The following RUBCN variants were observed in gnomAD, a reference collection of about 807,000 sequenced individuals.
RUBCN encodes rubicon autophagy regulator.
A neutral mutation model predicts 113.2 loss-of-function variants in RUBCN; 74 were observed. The ratio of observed to expected loss-of-function variants is 0.65; its 90% CI spans 0.54 to 0.79. RUBCN has a LOEUF of 0.79. RUBCN is among the 30% of genes least tolerant of loss of function. The pLI is 0.00. For missense variants in RUBCN, 1,109 were observed against 1,251.7 expected (o/e 0.89, Z 1.72); for synonymous variants, 480 against 490.0 (o/e 0.98, Z 0.27).
Position 197,700,881 on chromosome 3 carries a change from G to T in RUBCN, c.993C>A (p.Asp331Glu). The change falls in exon 7 of 20, where the codon GAC (aspartate) becomes GAA (glutamate). Residue 331 changes from aspartate (D) to glutamate (E), a missense_variant. By Grantham distance (45) the Asp-to-Glu change is conservative (BLOSUM62 2). Coordinates refer to ENST00000296343, the MANE Select transcript of RUBCN (RefSeq NM_014687.4). ...GPEYLAIGNL[D>E]PRGRTASCQS... ...GACAGCTGGCAGTCCGGCCTCGGGGGTCCAAGTTGCCAATGGCCAGGTACT... is the reference window on the plus strand; with the variant it reads ...GACAGCTGGCAGTCCGGCCTCGGGGTTCCAAGTTGCCAATGGCCAGGTACT... The T allele has an allele frequency of 6.2e-7, 1 of 1,614,200 alleles. No individual in the cohort carries two copies. The highest frequency in any genetic ancestry group is 8.5e-7 in the Non-Finnish European group (1 of 1,180,044).
At chr3:197,745,484 G>T (rs1357516414) in intron 1 of RUBCN, among the ~76,000 whole-genome samples, 1 of 148,970 alleles carries the variant, frequency 6.7e-6, no homozygotes. Flanking sequence ...GCATGGTGGC[G>T]CATGCCTGAA....
chr3:197,711,239 C>A lies in RUBCN; in HGVS notation c.220-6064G>T, dbSNP rs2108938196. On this transcript the variant is annotated intron_variant, in intron 2 of 19. Transcript: ENST00000296343. ...TAGGAATTTATCCTACGGTAAAGGGCAAAATTATTTATACACAAGCACTGT... is the reference window on the plus strand; with the variant it reads ...TAGGAATTTATCCTACGGTAAAGGGAAAAATTATTTATACACAAGCACTGT... Among the ~76,000 whole-genome samples the A allele has an allele frequency of 2.6e-5, 4 of 152,244 alleles. No homozygotes were observed. The Middle Eastern group carries it at 0.014, about 518-fold the overall frequency.
In RUBCN at chr3:197,700,730, T is replaced by G. The variant is rs752229345; in HGVS notation, c.1144A>C (p.Ser382Arg). 1 of 1,614,202 alleles carries G rather than the reference T, an allele frequency of 6.2e-7. No individual in the cohort carries two copies. The highest frequency in any genetic ancestry group is 1.7e-5 in the Admixed American group (1 of 60,022). ...GAGAAGCTGGACCTGCGGAGGACAC[T>G]GGACAGCTGGCTCTCCCCACCTCCT... is the stretch of plus-strand genomic sequence containing the variant. Reference protein sequence around the residue: ...QEGGGESQLSSVLRRSSFSEG... With the variant: ...QEGGGESQLSRVLRRSSFSEG... Residue 382 changes from serine to arginine, a missense_variant, in exon 7 of 20, where the codon AGT (serine) becomes CGT (arginine). Ser to Arg is a moderately radical substitution (Grantham distance 110, BLOSUM62 -1). Around this residue, in one of 3 missense-constraint regions of RUBCN, gnomAD observed 736 missense variants for 779.6 expected, o/e 0.94. Transcript: ENST00000296343.
chr3:197,726,309 T>C (rs1485738682), intron 1 of RUBCN, among the ~76,000 whole-genome samples: 3 of 150,542 alleles, frequency 2.0e-5, no homozygotes, highest in Non-Finnish European at 3.0e-5. Context: ...TGCAGTGGCG[T>C]GATCTCGGTT....
upstream of RUBCN, among the ~76,000 whole-genome samples, chr3:197,740,238 G>GTT (rs5855652): frequency 1.9e-4 from 28 of 149,948 alleles, no homozygotes; most frequent in East Asian, 3.9e-4. Context: ...CCCTTCTTTT[G>GTT]TTTTTTTTTC....
At chr3:197,694,710 G>T in intron 9 of RUBCN, 125 bp from the exon 10 acceptor site, 1 of 826,470 alleles carries the variant, frequency 1.2e-6, no homozygotes, top group Non-Finnish European at 2.0e-6. Context: ...TGGAGAAATG[G>T]ACATTTCTAC....
At chr3:197,682,148 A>G (rs967508349) in intron 14 of RUBCN, among the ~76,000 whole-genome samples, 1 of 152,172 alleles carries the variant, frequency 6.6e-6, no homozygotes, top group African/African-American at 2.4e-5. Context: ...GAGATGTGGT[A>G]AAGGAGAGAG....
Position 197,679,315 on chromosome 3 carries a change from TCTGA to T in RUBCN, c.2431-1778_2431-1775del, listed in dbSNP as rs546008851. Reference sequence around the variant, plus strand: ...CAACTGGCTTCAGACTGTCCTACGCTCTGACTGACAACTGGCTTCAGCCTGTCCT... The same window carrying T: ...CAACTGGCTTCAGACTGTCCTACGCTCTGACAACTGGCTTCAGCCTGTCCT... On this transcript the variant is annotated intron_variant, in intron 16 of 19. Coordinates refer to ENST00000296343, the MANE Select transcript of RUBCN (RefSeq NM_014687.4). Among the ~76,000 whole-genome samples the T allele has an allele frequency of 5.7e-3, 844 of 148,008 alleles. 8 individuals carry two copies. Among genetic ancestry groups the T allele is most frequent in the African/African-American group, 0.02 (795 of 39,536 alleles).
intron 1 of RUBCN, among the ~76,000 whole-genome samples, chr3:197,731,585 C>T (rs1230375893): frequency 1.3e-5 from 2 of 151,310 alleles, no homozygotes; most frequent in Admixed American, 6.6e-5. Flanking sequence ...GCAGAGGCGC[C>T]CCTCACCTCC....
rs545276159 is a variant in RUBCN at position 197,717,229 on chromosome 3, TTGAGACCAC to T, written c.219+739_219+747del. 3.7e-3 allele frequency among the ~76,000 whole-genome samples: 564 copies of T among 151,286 alleles called. 1 individual carries two copies. The highest frequency in any genetic ancestry group is 0.012 in the African/African-American group (502 of 41,158). ...GTGGGCAGATCACAAGGTCAGGAGA[TTGAGACCAC>T]TGAGACCATCCTGGCTAACACGGTG... On this transcript the variant is annotated intron_variant, in intron 2 of 19. Coordinates refer to ENST00000296343, the MANE Select transcript of RUBCN (RefSeq NM_014687.4).
At chr3:197,679,415 C>T (rs139285809) in intron 16 of RUBCN, among the ~76,000 whole-genome samples, 3,312 of 145,192 alleles carry the variant, frequency 0.023, 57 homozygotes, top group Non-Finnish European at 0.032. Context: ...GACTGTCCTA[C>T]GCTCTAACTG....
At chr3:197,685,751 G>A (rs753898992) in intron 11 of RUBCN, among the ~76,000 whole-genome samples, 5 of 152,104 alleles carry the variant, frequency 3.3e-5, no homozygotes, top group South Asian at 2.1e-4. Flanking sequence ...GTTTTCTGGC[G>A]GAATCTGTGC....
intron 3 of RUBCN, among the ~76,000 whole-genome samples, 174 bp from the exon 4 acceptor site, chr3:197,704,875 C>T (rs1260406955): frequency 6.6e-6 from 1 of 151,738 alleles, no homozygotes; most frequent in Non-Finnish European, 1.5e-5. Context: ...TTTTCCCTTC[C>T]CCAGAGGAGA....
chr3:197,698,608 C>A (rs1723271051), intron 7 of RUBCN, among the ~76,000 whole-genome samples: 1 of 151,816 alleles, frequency 6.6e-6, no homozygotes, highest in South Asian at 2.1e-4. Flanking sequence ...ACCAAACATG[C>A]AAGTATATCT....
intron 3 of RUBCN, 25 bp downstream of exon 3, chr3:197,705,067 A>G: frequency 6.3e-7 from 1 of 1,589,450 alleles, no homozygotes; most frequent in Non-Finnish European, 8.6e-7. Context: ...CTCTGCCAGC[A>G]CAGCCGCTCT....
At chr3:197,717,271 G>A (rs952943653) in intron 2 of RUBCN, among the ~76,000 whole-genome samples, 3 of 151,764 alleles carry the variant, frequency 2.0e-5, no homozygotes, top group South Asian at 2.1e-4. Flanking sequence ...GTGAAACCCC[G>A]TCTCTACTAA....
chr3:197,745,334 A>G (rs541731341), intron 1 of RUBCN, among the ~76,000 whole-genome samples: 33 of 151,092 alleles, frequency 2.2e-4, no homozygotes, highest in Admixed American at 7.2e-4. Context: ...AGGCAAATCA[A>G]GCCAGGTGCA....
intron 8 of RUBCN, 152 bp from the exon 9 acceptor site, chr3:197,696,133 G>C: frequency 1.3e-6 from 1 of 757,304 alleles, no homozygotes; most frequent in Non-Finnish European, 2.2e-6. Context: ...TTGCACTTTG[G>C]GAGGGCAAGG....
At chr3:197,716,405 G>A (rs745331505) in intron 2 of RUBCN, among the ~76,000 whole-genome samples, 6 of 152,204 alleles carry the variant, frequency 3.9e-5, no homozygotes, top group Non-Finnish European at 7.3e-5. Flanking sequence ...GATTACAGGC[G>A]TGAGCCACTG....
Sources: gnomAD v4.1 joint callset for allele counts (sites outside exome capture counted in the v4.1 genomes callset) on GRCh38, gnomAD v4.1.1 for gene constraint, gnomAD v4.1.1 regional missense constraint, MANE v1.5 for transcripts, NCBI Gene and HGNC (gene_info 2026-07-23, HGNC 2026-07-21) for gene names.